Variants in PARP9 observed in about 807,000 individuals in gnomAD.
The protein encoded by PARP9 is protein mono-ADP-ribosyltransferase PARP9.
In PARP9, 48 loss-of-function variants were observed where a neutral mutation model predicts 68.8. That is an observed-to-expected ratio of 0.70 (90% confidence interval 0.55 to 0.89). The LOEUF is 0.89. PARP9 is among the 40% of genes least tolerant of loss of function. The probability of loss-of-function intolerance (pLI) is 0.00; values close to 1 mark genes in which losing one functional copy is unlikely to be tolerated. For missense variants in PARP9, 806 were observed against 969.3 expected, an observed-to-expected ratio of 0.83 and a Z score of 2.24; for synonymous variants, 309 against 333.8, an observed-to-expected ratio of 0.93 and a Z score of 0.81.
At chr3:122,559,207 A>G (rs1416925594) in intron 2 of PARP9, among the ~76,000 whole-genome samples, 1 of 152,246 alleles carries the variant, frequency 6.6e-6, no homozygotes, top group Non-Finnish European at 1.5e-5. Context: ...TCCACCAGCA[A>G]GGATCCACTT....
chr3:122,533,570 G>C, intron 10 of PARP9: 1 of 559,574 alleles, frequency 1.8e-6, no homozygotes, highest in African/African-American at 2.0e-5. Context: ...GTGAACTCGT[G>C]AGATTATAAA....
chr3:122,562,742 T>A (rs551023739), intron 1 of PARP9, among the ~76,000 whole-genome samples: 1 of 152,338 alleles, frequency 6.6e-6, no homozygotes, highest in African/African-American at 2.4e-5. Context: ...ATCCTAGAGA[T>A]CTTTTCATGT....
rs185544052 is a variant in PARP9 at position 122,529,918 on chromosome 3, C to T, written c.2081-1175G>A. Among the ~76,000 whole-genome samples the T allele has an allele frequency of 6.4e-4, 97 of 151,932 alleles. 1 individual carries two copies. The highest frequency in any genetic ancestry group is 3.7e-4 in the Non-Finnish European group (25 of 67,934). On this transcript the variant is annotated intron_variant, in intron 10 of 10. Coordinates refer to ENST00000682323, the MANE Select transcript of PARP9 (RefSeq NM_001146105.2). ...ACAAGAAAAATATGTCATCTGGGCC[C>T]GGTGGTACACACCTGTAATCCCAGC...
Position 122,528,124 on chromosome 3 carries a change from T to A in PARP9, c.*240A>T, listed in dbSNP as rs2077065788. The stretch of plus-strand genomic sequence containing the variant: ...CTAGTAAAGGAGATTAAAGAACAAC[T>A]GCAAGAGGAAGGAAGGTCCTGAAAG... On this transcript the variant is annotated 3_prime_UTR_variant, in exon 11 of 11. Coordinates refer to ENST00000682323, the MANE Select transcript of PARP9 (RefSeq NM_001146105.2). 1 of 383,472 alleles carries A rather than the reference T, an allele frequency of 2.6e-6. No individual in the cohort carries two copies. The highest frequency in any genetic ancestry group is 4.2e-5 in the Admixed American group (1 of 23,716). The allele number at this position is 383,472 out of a possible 1,614,324, so 23.8% of individuals were successfully genotyped here. A position where few individuals can be genotyped will look rare whatever the true frequency, so the allele number is the denominator to read the frequency against.
chr3:122,560,181 GA>G, intron 1 of PARP9, among the ~76,000 whole-genome samples: 1 of 152,244 alleles, frequency 6.6e-6, no homozygotes, highest in East Asian at 1.9e-4. Context: ...TTGAATTTGT[GA>G]TAAACATCCT....
chr3:122,548,066 T>C (rs926059226), intron 6 of PARP9, among the ~76,000 whole-genome samples: 7 of 152,206 alleles, frequency 4.6e-5, no homozygotes, highest in African/African-American at 1.7e-4. Flanking sequence ...GGAGCTGGCA[T>C]ACAATGACTC....
intron 7 of PARP9, among the ~76,000 whole-genome samples, chr3:122,542,530 A>G (rs2107625864): frequency 6.6e-6 from 1 of 151,662 alleles, no homozygotes; most frequent in African/African-American, 2.4e-5. Flanking sequence ...CCCAGGCTGG[A>G]GTGTAGTGGC....
intron 10 of PARP9, chr3:122,535,033 A>C (rs1306712435): frequency 2.0e-6 from 2 of 980,074 alleles, no homozygotes; most frequent in South Asian, 4.7e-5. Flanking sequence ...CAAGTAGCAG[A>C]GTCTGTCACA....
intron 1 of PARP9, among the ~76,000 whole-genome samples, chr3:122,560,621 C>T (rs1415027202): frequency 1.3e-5 from 2 of 152,138 alleles, no homozygotes; most frequent in Non-Finnish European, 2.9e-5. Context: ...CTCCTGACCT[C>T]GTGATCTACC....
At chr3:122,564,706 G>GGCGGGAGAAAGTATGTCACTGTGC (rs2080524019), upstream of PARP9, 1 of 1,452,894 alleles carries the variant, frequency 6.9e-7, no homozygotes, top group Non-Finnish European at 9.2e-7. Context: ...TAGGGGAGAG[G>GGCGGGAGAAAGTATGTCACTGTGC]GCGGGAGAAA....
intron 1 of PARP9, 120 bp downstream of exon 1, chr3:122,564,125 C>G (rs1376438860): frequency 2.4e-6 from 1 of 419,862 alleles, no homozygotes; most frequent in Non-Finnish European, 4.2e-6. Flanking sequence ...TTTGCATAGT[C>G]TACTCACAAG....
At chr3:122,549,580 A>C (rs983665027) in intron 6 of PARP9, among the ~76,000 whole-genome samples, 1 of 152,190 alleles carries the variant, frequency 6.6e-6, no homozygotes, top group Non-Finnish European at 1.5e-5. Context: ...CAGGAGCTCA[A>C]GACCAGATTG....
At chr3:122,539,727 A>C (rs940389562) in intron 8 of PARP9, among the ~76,000 whole-genome samples, 7 of 151,390 alleles carry the variant, frequency 4.6e-5, no homozygotes, top group African/African-American at 1.7e-4. Context: ...TGCCTGGCTA[A>C]TTTTTTTTGT....
chr3:122,558,424 G>A lies in PARP9; in HGVS notation c.49+10C>T, dbSNP rs375674224. On this transcript the variant is annotated intron_variant, in intron 3 of 10. Transcript: ENST00000682323. ...TTTCTGAAACAAGAGTGAGAGCGAG[G>A]TAATCCTACCTGATTTTTCATTGTA... is the stretch of plus-strand genomic sequence containing the variant. 3.8e-5 allele frequency: 62 copies of A among 1,614,136 alleles called. No individual in the cohort carries two copies. The Middle Eastern group carries it at 4.9e-4, about 13-fold the overall frequency.
chr3:122,544,508 A>G (rs887365691), intron 7 of PARP9, among the ~76,000 whole-genome samples: 10 of 152,136 alleles, frequency 6.6e-5, no homozygotes, highest in African/African-American at 1.7e-4. Flanking sequence ...GCCACTGAAC[A>G]TTCCATCTCA....
intron 10 of PARP9, among the ~76,000 whole-genome samples, chr3:122,529,827 A>C (rs2077183382): frequency 6.6e-6 from 1 of 152,132 alleles, no homozygotes; most frequent in African/African-American, 2.4e-5. Flanking sequence ...AACTCTCAAG[A>C]AGATGGTTTG....
chr3:122,557,559 T>C (rs1029037288), intron 3 of PARP9, among the ~76,000 whole-genome samples: 29 of 152,202 alleles, frequency 1.9e-4, no homozygotes, highest in Admixed American at 1.9e-3. Flanking sequence ...AAGGTCATGC[T>C]ATTCTCAGGG....
At chr3:122,535,239 G>A in intron 10 of PARP9, 5 of 985,330 alleles carry the variant, frequency 5.1e-6, no homozygotes, top group Non-Finnish European at 6.0e-6. Context: ...TGCCCCAAAA[G>A]GCTTCTTGGT....
At chr3:122,537,234 G>A (rs554384460) in intron 8 of PARP9, among the ~76,000 whole-genome samples, 161 bp from the exon 9 acceptor site, 6 of 152,180 alleles carry the variant, frequency 3.9e-5, no homozygotes, top group Admixed American at 1.3e-4. Flanking sequence ...TACTACGAGC[G>A]GTCAGGATAA....
Sources: allele counts gnomAD v4.1 joint callset (sites outside exome capture counted in the v4.1 genomes callset), GRCh38; gene constraint gnomAD v4.1.1; transcripts MANE v1.5; gene names NCBI Gene and HGNC (gene_info 2026-07-23, HGNC 2026-07-21).